Variants in PMM2 observed in about 807,000 individuals in gnomAD.
The protein encoded by PMM2 is mannose-6-phosphate isomerase.
Under a neutral mutation model 33.2 loss-of-function variants are expected in PMM2, and 35 were observed. The observed-to-expected ratio is 1.06, with a 90% CI of 0.81 to 1.40. The LOEUF (loss-of-function observed/expected upper bound fraction) is 1.40, where lower values mean the gene tolerates loss of function less well. PMM2 is among the 40% of genes most tolerant of loss of function. The pLI is 0.00. For missense variants in PMM2, 386 were observed against 306.0 expected (o/e 1.26, Z -1.95); for synonymous variants, 153 against 114.7 (o/e 1.33, Z -2.13).
intron 7 of PMM2, among the ~76,000 whole-genome samples, chr16:8,815,025 T>C (rs1312600560): frequency 2.6e-5 from 4 of 152,156 alleles, no homozygotes; most frequent in African/African-American, 9.7e-5. Context: ...ACCACCGTTC[T>C]TTTCTCTGCT....
intron 7 of PMM2, among the ~76,000 whole-genome samples, chr16:8,813,949 C>T (rs2060692545): frequency 6.7e-6 from 1 of 150,048 alleles, no homozygotes; most frequent in Non-Finnish European, 1.5e-5. Context: ...TCACTGCAAC[C>T]TCTGCCTCCC....
chr16:8,832,451 C>G (rs2060816299), intron 7 of PMM2: 1 of 985,430 alleles, frequency 1.0e-6, no homozygotes, highest in Non-Finnish European at 1.2e-6. Flanking sequence ...AGACACCTCC[C>G]CACCAGCCCC....
intron 7 of PMM2, among the ~76,000 whole-genome samples, chr16:8,818,758 C>A (rs1178340814): frequency 2.0e-5 from 3 of 152,182 alleles, no homozygotes; most frequent in Non-Finnish European, 2.9e-5. Flanking sequence ...TTGCCATCTT[C>A]AGAAACCCTG....
chr16:8,813,526 GA>G (rs1461277686), intron 7 of PMM2, among the ~76,000 whole-genome samples: 1 of 152,166 alleles, frequency 6.6e-6, no homozygotes, highest in Non-Finnish European at 1.5e-5. Context: ...GGAGGATAGG[GA>G]ATGATCTCAT....
At chr16:8,836,034 T>C (rs1195710692) in intron 7 of PMM2, among the ~76,000 whole-genome samples, 1 of 150,932 alleles carries the variant, frequency 6.6e-6, no homozygotes, top group East Asian at 1.9e-4. Context: ...AAAGGAGTGC[T>C]TAAAAGAGTA....
intron 2 of PMM2, among the ~76,000 whole-genome samples, chr16:8,804,031 G>GTTTTTCT (rs2060631601): frequency 1.1e-5 from 1 of 87,492 alleles, no homozygotes; most frequent in African/African-American, 4.6e-5. Flanking sequence ...GGTTTTTTTT[G>GTTTTTCT]TTTTTTTTTT....
intron 7 of PMM2, among the ~76,000 whole-genome samples, chr16:8,818,272 C>T (rs2141027766): frequency 6.6e-6 from 1 of 152,346 alleles, no homozygotes; most frequent in Non-Finnish European, 1.5e-5. Flanking sequence ...CTTGCAGAGG[C>T]ACGTTGGGTG....
At chr16:8,820,348 C>CTTATTTTTTTT (rs1451905873) in intron 7 of PMM2, among the ~76,000 whole-genome samples, 1 of 131,366 alleles carries the variant, frequency 7.6e-6, no homozygotes, top group African/African-American at 3.6e-5. Context: ...GGACACAGTT[C>CTTATTTTTTTT]TTCTTTTTTT....
At position 8,815,994 on chromosome 16, in the gene PMM2, T is replaced by C. The variant is rs187659018; in HGVS notation, c.639+2888T>C. 1.0e-4 allele frequency among the ~76,000 whole-genome samples: 15 copies of C among 150,156 alleles called. 1 individual carries two copies. In the East Asian group the frequency reaches 2.7e-3, roughly 27 times the overall value. On this transcript the variant is annotated intron_variant, in intron 7 of 7. Transcript: ENST00000268261. ...ACAATTTAAAACATGAGCAAAGGAC[T>C]TGAATAGACAGTTCTCCAAAGAAGA...
At chr16:8,804,021 G>A (rs1225652888) in intron 2 of PMM2, among the ~76,000 whole-genome samples, 28 of 72,632 alleles carry the variant, frequency 3.9e-4, no homozygotes, top group Admixed American at 5.4e-4. Flanking sequence ...TTGTTTTTTG[G>A]GTTTTTTTTG....
At chr16:8,833,133 C>G (rs926146048) in intron 7 of PMM2, among the ~76,000 whole-genome samples, 41 of 152,240 alleles carry the variant, frequency 2.7e-4, no homozygotes, top group East Asian at 7.7e-4. Context: ...GGCTGAGTCC[C>G]AAAAGAGAGT....
At chr16:8,803,663 T>G (rs570780143) in intron 2 of PMM2, among the ~76,000 whole-genome samples, 5 of 152,338 alleles carry the variant, frequency 3.3e-5, no homozygotes, top group African/African-American at 1.2e-4. Flanking sequence ...TAAGAATCAC[T>G]GAAGAGCTTT....
intron 7 of PMM2, chr16:8,847,501 C>T (rs913188061): frequency 1.1e-5 from 6 of 555,154 alleles, no homozygotes; most frequent in South Asian, 4.0e-5. Context: ...GGCATAATTA[C>T]GTGTTCCAAG....
chr16:8,842,955 G>C (rs1410413568), intron 7 of PMM2, among the ~76,000 whole-genome samples: 1 of 152,144 alleles, frequency 6.6e-6, no homozygotes. Context: ...GGGGATATGA[G>C]AGGAAGACGC....
At chr16:8,835,754 C>A (rs1015700314) in intron 7 of PMM2, among the ~76,000 whole-genome samples, 2 of 151,878 alleles carry the variant, frequency 1.3e-5, no homozygotes, top group Non-Finnish European at 2.9e-5. Context: ...CCTTTTAAAG[C>A]GTGCCATGGG....
chr16:8,839,729 TGGACTTTGGAGATGAA>T (rs2060876667), intron 7 of PMM2, among the ~76,000 whole-genome samples: 1 of 151,830 alleles, frequency 6.6e-6, no homozygotes, highest in African/African-American at 2.4e-5. Context: ...TGTGTGTAGT[TGGACTTTGGAGATGAA>T]GAGTAAAGGA....
At chr16:8,823,272 T>C (rs1382234361) in intron 7 of PMM2, among the ~76,000 whole-genome samples, 1 of 152,090 alleles carries the variant, frequency 6.6e-6, no homozygotes, top group African/African-American at 2.4e-5. Context: ...AAAAAGGTAG[T>C]AGCAATTTAA....
chr16:8,847,577 C>A, intron 7 of PMM2, 147 bp from the exon 8 acceptor site: 1 of 692,454 alleles, frequency 1.4e-6, no homozygotes, highest in South Asian at 1.5e-5. Flanking sequence ...ACGTTCCTCT[C>A]CTGGAAACTA....
intron 7 of PMM2, among the ~76,000 whole-genome samples, chr16:8,815,714 G>C (rs1347885085): frequency 6.6e-6 from 1 of 152,030 alleles, no homozygotes; most frequent in African/African-American, 2.4e-5. Flanking sequence ...ACCTGAAACT[G>C]TAAAACTCCT....
Sources: gnomAD v4.1 joint callset for allele counts (sites outside exome capture counted in the v4.1 genomes callset) on GRCh38, gnomAD v4.1.1 for gene constraint, MANE v1.5 for transcripts, NCBI Gene and HGNC (gene_info 2026-07-23, HGNC 2026-07-21) for gene names.